EXT2: variants seen among roughly 807,000 people sequenced by gnomAD.
The protein encoded by EXT2 is exostosin-2.
EXT2 carries 53 observed loss-of-function variants against 81.6 expected under a neutral mutation model. The ratio of observed to expected loss-of-function variants is 0.65; its 90% confidence interval spans 0.52 to 0.82. The LOEUF is 0.82. Among genes scored for constraint, EXT2 ranks in the 40% least tolerant of loss-of-function variants. The pLI is 0.00. For missense variants in EXT2, 774 were observed against 910.2 expected, an observed-to-expected ratio of 0.85 and a Z score of 1.93; for synonymous variants, 320 against 340.0, an observed-to-expected ratio of 0.94 and a Z score of 0.65.
In EXT2 at chr11:44,095,708, C is replaced by A. The variant is rs952440919; in HGVS notation, c.-175C>A. On this transcript the variant is annotated 5_prime_UTR_variant, in exon 1 of 14. Coordinates refer to ENST00000533608, the MANE Select transcript of EXT2 (RefSeq NM_207122.2). Reference sequence around the variant, plus strand: ...GCCCGGATCCCGGTTACCGGCCCCTCGCTCGCTGCTCGCCAGCCCAGACTC... The same window carrying A: ...GCCCGGATCCCGGTTACCGGCCCCTAGCTCGCTGCTCGCCAGCCCAGACTC... The A allele has an allele frequency of 6.5e-6, 1 of 153,072 alleles. No individual in the cohort carries two copies. The highest frequency in any genetic ancestry group is 2.4e-5 in the African/African-American group (1 of 41,492). The allele number at this position is 153,072 out of a possible 1,614,324, so 9.5% of individuals were successfully genotyped here.
intron 8 of EXT2, among the ~76,000 whole-genome samples, chr11:44,196,728 G>A (rs1003255793): frequency 2.0e-5 from 3 of 152,144 alleles, no homozygotes; most frequent in Admixed American, 1.3e-4. Flanking sequence ...TTGTTTCATG[G>A]ATGAAGAATC....
At chr11:44,106,949 T>C (rs1954064315) in intron 1 of EXT2, among the ~76,000 whole-genome samples, 1 of 152,190 alleles carries the variant, frequency 6.6e-6, no homozygotes, top group Admixed American at 6.5e-5. Flanking sequence ...TTTGGAATGA[T>C]GAAGCTTCAG....
rs75334404 is a variant in EXT2, at chr11:44,209,730, C to T, written c.1662+2771C>T. Among the ~76,000 whole-genome samples the T allele has an allele frequency of 1.1e-3, 172 of 152,280 alleles. 3 individuals are homozygous for T. The East Asian group carries it at 0.031, about 28-fold the overall frequency. ...TCTCTACTCATCCTTCAACACTCAG[C>T]TTGGCTGTTGCTGTCTCAAAGAAGC... On this transcript the variant is annotated intron_variant, in intron 10 of 13. Transcript: ENST00000533608.
intron 8 of EXT2, among the ~76,000 whole-genome samples, chr11:44,174,140 G>T (rs1565222118): frequency 6.6e-6 from 1 of 152,188 alleles, no homozygotes; most frequent in African/African-American, 2.4e-5. Context: ...TGATCTTCAT[G>T]TGTATTTTTC....
At position 44,250,557 on chromosome 11, in the gene EXT2, T is replaced by C. The variant is rs528467500; in HGVS notation, c.*6270T>C. Among the ~76,000 whole-genome samples, 1 of 152,364 alleles carries C rather than the reference T, an allele frequency of 6.6e-6. No homozygotes were observed. The highest frequency in any genetic ancestry group is 6.5e-5 in the Admixed American group (1 of 15,306). Reference sequence around the variant, plus strand: ...AGAGAGCCTGGGGGTCTGGATCCTATCTGGCCCCGTCAGGGTGGATTACCA... The same window carrying C: ...AGAGAGCCTGGGGGTCTGGATCCTACCTGGCCCCGTCAGGGTGGATTACCA... On this transcript the variant is annotated 3_prime_UTR_variant, in exon 14 of 14. Transcript: ENST00000533608.
chr11:44,174,057 T>C (rs1240820938), intron 8 of EXT2, among the ~76,000 whole-genome samples: 5 of 152,198 alleles, frequency 3.3e-5, no homozygotes, highest in African/African-American at 1.2e-4. Flanking sequence ...CAAATAACAT[T>C]TGGGTGTTCT....
chr11:44,171,490 C>T, intron 7 of EXT2, 121 bp from the exon 8 acceptor site: 10 of 1,465,254 alleles, frequency 6.8e-6, no homozygotes, highest in Non-Finnish European at 8.5e-6. Flanking sequence ...CCTAGGCACC[C>T]CCATCCCTAC....
At chr11:44,188,706 A>G (rs1955350511) in intron 8 of EXT2, among the ~76,000 whole-genome samples, 1 of 152,224 alleles carries the variant, frequency 6.6e-6, no homozygotes, top group South Asian at 2.1e-4. Flanking sequence ...GCTTGCAATT[A>G]TTAGATTAGA....
chr11:44,212,849 G>A (rs141308658), intron 10 of EXT2, among the ~76,000 whole-genome samples: 1 of 152,288 alleles, frequency 6.6e-6, no homozygotes, highest in East Asian at 1.9e-4. Flanking sequence ...ATGACTCCGT[G>A]TATATGAAAT....
At chr11:44,178,889 C>T (rs1279277762) in intron 8 of EXT2, among the ~76,000 whole-genome samples, 1 of 152,018 alleles carries the variant, frequency 6.6e-6, no homozygotes, top group Non-Finnish European at 1.5e-5. Flanking sequence ...TTATAGGTAT[C>T]ACATTTATAG....
At chr11:44,212,999 C>T (rs1023085159) in intron 10 of EXT2, among the ~76,000 whole-genome samples, 9 of 151,854 alleles carry the variant, frequency 5.9e-5, no homozygotes, top group African/African-American at 1.7e-4. Flanking sequence ...CTTGTCAACA[C>T]TCAATGAATT....
intron 7 of EXT2, among the ~76,000 whole-genome samples, chr11:44,161,568 A>T (rs997693487): frequency 6.6e-6 from 1 of 152,158 alleles, no homozygotes; most frequent in Non-Finnish European, 1.5e-5. Flanking sequence ...TTCAAAGTAC[A>T]TTAAAAATAG....
chr11:44,193,329 A>AATT (rs1210297172), intron 8 of EXT2, among the ~76,000 whole-genome samples: 2 of 152,214 alleles, frequency 1.3e-5, no homozygotes, highest in Non-Finnish European at 2.9e-5. Context: ...ATGGAACGTA[A>AATT]AGCCTGGAGA....
chr11:44,171,974 T>G, intron 8 of EXT2: 1 of 571,582 alleles, frequency 1.7e-6, no homozygotes, highest in Non-Finnish European at 3.1e-6. Context: ...AAAGACTGTC[T>G]ATTTATTGCA....
chr11:44,102,929 T>C (rs557700314), intron 1 of EXT2, among the ~76,000 whole-genome samples: 10 of 152,256 alleles, frequency 6.6e-5, no homozygotes, highest in Non-Finnish European at 1.5e-4. Flanking sequence ...CTTCGTACAG[T>C]TTATTCTGGT....
At position 44,220,757 on chromosome 11, in the gene EXT2, G is replaced by A. The variant is rs1170654055; in HGVS notation, c.1663-11596G>A. On this transcript the variant is annotated intron_variant, in intron 10 of 13. Coordinates refer to ENST00000533608, the MANE Select transcript of EXT2 (RefSeq NM_207122.2). The surrounding 1 kb of genome is among the most constrained non-coding windows in gnomAD (Gnocchi z 4.4). Reference sequence around the variant, plus strand: ...CTCACAGGGACCTGGAGAGAAAATAGTTCATGTGTGCCACGGCTGCAGCAA... The same window carrying A: ...CTCACAGGGACCTGGAGAGAAAATAATTCATGTGTGCCACGGCTGCAGCAA... Among the ~76,000 whole-genome samples, 1 of 152,162 alleles carries A rather than the reference G, an allele frequency of 6.6e-6. No homozygotes were observed. Among genetic ancestry groups the A allele is most frequent in the Non-Finnish European group, 1.5e-5 (1 of 68,036 alleles).
At chr11:44,096,302 G>A in intron 1 of EXT2, 1 of 1,535,976 alleles carries the variant, frequency 6.5e-7, no homozygotes. Context: ...CCCTTGCGGT[G>A]CCAGAAGCCG....
intron 10 of EXT2, among the ~76,000 whole-genome samples, chr11:44,217,384 A>G (rs1222275577): frequency 6.6e-6 from 1 of 152,094 alleles, no homozygotes; most frequent in Non-Finnish European, 1.5e-5. Flanking sequence ...CAGAGGGGTT[A>G]TTTGTGTGTT....
Position 44,250,965 on chromosome 11 carries a change from A to G in EXT2, c.*6678A>G, listed in dbSNP as rs1189187999. ...CATTGGTGGCAGCACCTCCTATAGG[A>G]TTTCCAATAGTCTTTCTCTAGTAGA... On this transcript the variant is annotated 3_prime_UTR_variant, in exon 14 of 14. Coordinates refer to ENST00000533608, the MANE Select transcript of EXT2 (RefSeq NM_207122.2). 6.6e-6 allele frequency among the ~76,000 whole-genome samples: 1 copy of G among 152,178 alleles called. No homozygotes were observed. Among genetic ancestry groups the G allele is most frequent in the Non-Finnish European group, 1.5e-5 (1 of 68,024 alleles).
Sources: allele counts gnomAD v4.1 joint callset (sites outside exome capture counted in the v4.1 genomes callset), GRCh38; gene constraint gnomAD v4.1.1; non-coding constraint Gnocchi (gnomAD v3.1); transcripts MANE v1.5; gene names NCBI Gene and HGNC (gene_info 2026-07-23, HGNC 2026-07-21).